The following PARD3B variants were observed in gnomAD, a reference collection of about 807,000 sequenced individuals.
PARD3B encodes par-3 family cell polarity regulator beta.
PARD3B carries 103 observed loss-of-function variants against 130.2 expected under a neutral mutation model. That is an observed-to-expected ratio of 0.79 (90% CI 0.67 to 0.93). The LOEUF is 0.93. PARD3B is among the 40% of genes least tolerant of loss of function. The pLI is 0.00. For synonymous variants in PARD3B, 583 were observed against 553.2 expected, an observed-to-expected ratio of 1.05 and a Z score of -0.76; for missense variants, 1,609 against 1,499.2, an observed-to-expected ratio of 1.07 and a Z score of -1.21.
intron 1 of PARD3B, among the ~76,000 whole-genome samples, chr2:204,671,549 T>C (rs1313819397): frequency 6.6e-6 from 1 of 152,170 alleles, no homozygotes; most frequent in Non-Finnish European, 1.5e-5. Flanking sequence ...TCTTCCCCTC[T>C]GAGAAGTCAT....
At chr2:205,607,837 CA>C (rs59461427) in intron 22 of PARD3B, among the ~76,000 whole-genome samples, 7,116 of 94,358 alleles carry the variant, frequency 0.075, 526 homozygotes, top group African/African-American at 0.17. Flanking sequence ...CCCATACACA[CA>C]CACACACACA....
chr2:205,130,051 A>G (rs2031854414), intron 10 of PARD3B, among the ~76,000 whole-genome samples: 1 of 152,188 alleles, frequency 6.6e-6, no homozygotes, highest in East Asian at 1.9e-4. Context: ...ATATAATAAC[A>G]TTACAACTAT....
At chr2:204,970,408 C>G (rs1357318033) in intron 3 of PARD3B, among the ~76,000 whole-genome samples, 1 of 152,032 alleles carries the variant, frequency 6.6e-6, no homozygotes, top group African/African-American at 2.4e-5. Context: ...AATTGAAAAC[C>G]AAGGCTATCC....
chr2:205,376,122 C>T (rs1249327511), intron 18 of PARD3B, among the ~76,000 whole-genome samples: 1 of 152,112 alleles, frequency 6.6e-6, no homozygotes. Context: ...CGTAGATTAT[C>T]CCATTTAACT....
chr2:204,878,127 GA>G (rs934812763), intron 2 of PARD3B, among the ~76,000 whole-genome samples: 16 of 152,114 alleles, frequency 1.1e-4, no homozygotes, highest in Admixed American at 2.6e-4. Flanking sequence ...GCACTGTAAA[GA>G]AAAAAGTCAT....
At position 205,156,344 on chromosome 2, in the gene PARD3B, A is replaced by G. The variant is rs558685128; in HGVS notation, c.1435-2378A>G. On this transcript the variant is annotated intron_variant, in intron 10 of 22. Transcript: ENST00000406610. ...GAGTTAATGGGTGCAGCACACCAGC[A>G]TGGCACATGTATACATATGTAACTA... 2.1e-4 allele frequency among the ~76,000 whole-genome samples: 32 copies of G among 151,882 alleles called. No individual in the cohort carries two copies. In the East Asian group the frequency reaches 6.0e-3, roughly 29 times the overall value.
intron 2 of PARD3B, among the ~76,000 whole-genome samples, chr2:204,895,615 G>A (rs2046614279): frequency 6.6e-6 from 1 of 151,852 alleles, no homozygotes; most frequent in African/African-American, 2.4e-5. Context: ...ATTGTTTTAT[G>A]CAAATAAATG....
At chr2:204,859,257 GCTGTT>G (rs1159518687) in intron 2 of PARD3B, among the ~76,000 whole-genome samples, 2 of 152,154 alleles carry the variant, frequency 1.3e-5, no homozygotes, top group Admixed American at 6.6e-5. Context: ...ACAAGTATGT[GCTGTT>G]CTGTTGTGAA....
At chr2:205,582,666 T>C (rs13390443) in intron 22 of PARD3B, among the ~76,000 whole-genome samples, 22,877 of 149,466 alleles carry the variant, frequency 0.15, 1,911 homozygotes, top group East Asian at 0.32. Flanking sequence ...AGGAAGGTTA[T>C]TGTTTTTTTT....
At chr2:204,953,419 A>G (rs973420500) in intron 2 of PARD3B, among the ~76,000 whole-genome samples, 1 of 83,270 alleles carries the variant, frequency 1.2e-5, no homozygotes, top group African/African-American at 6.7e-5. Flanking sequence ...ATACACACAC[A>G]CAGAGAGAGA....
intron 18 of PARD3B, among the ~76,000 whole-genome samples, chr2:205,310,386 C>A (rs2042338718): frequency 6.6e-6 from 1 of 152,030 alleles, no homozygotes; most frequent in African/African-American, 2.4e-5. Flanking sequence ...GTTTCAAGTA[C>A]AAGACATATT....
intron 2 of PARD3B, among the ~76,000 whole-genome samples, chr2:204,939,919 A>G (rs1688774430): frequency 6.6e-6 from 1 of 152,222 alleles, no homozygotes; most frequent in African/African-American, 2.4e-5. Context: ...AATTACCATT[A>G]TACCTGAGGT....
chr2:204,762,015 T>A (rs1279362601), intron 2 of PARD3B, among the ~76,000 whole-genome samples: 2 of 151,986 alleles, frequency 1.3e-5, no homozygotes, highest in Admixed American at 1.3e-4. Flanking sequence ...AAGGAAAATG[T>A]CTCTTCTTGC....
intron 22 of PARD3B, among the ~76,000 whole-genome samples, chr2:205,561,130 A>C (rs907094473): frequency 6.6e-6 from 1 of 152,102 alleles, no homozygotes; most frequent in Non-Finnish European, 1.5e-5. Context: ...TGTCCTCAAC[A>C]TCCTTTTCTG....
intron 16 of PARD3B, among the ~76,000 whole-genome samples, chr2:205,298,378 A>G (rs546080162): frequency 6.6e-6 from 1 of 152,076 alleles, no homozygotes; most frequent in South Asian, 2.1e-4. Flanking sequence ...TGTTTCTTCA[A>G]CTTATCTTCC....
chr2:205,515,596 A>G (rs777910470), intron 21 of PARD3B, among the ~76,000 whole-genome samples: 3 of 141,530 alleles, frequency 2.1e-5, no homozygotes, highest in Non-Finnish European at 4.5e-5. Context: ...TGTTGGCTGC[A>G]TGTATGTCTT....
intron 2 of PARD3B, among the ~76,000 whole-genome samples, chr2:204,893,652 T>A (rs903805941): frequency 1.3e-5 from 2 of 152,200 alleles, no homozygotes; most frequent in African/African-American, 4.8e-5. Context: ...AACTTGAATA[T>A]ATAATGGAAA....
chr2:205,384,036 C>A (rs2045575469), intron 18 of PARD3B, among the ~76,000 whole-genome samples: 1 of 152,040 alleles, frequency 6.6e-6, no homozygotes, highest in African/African-American at 2.4e-5. Context: ...TTTTTTATCT[C>A]CCCTTAGCAC....
At chr2:204,947,058 C>A (rs1689385108) in intron 2 of PARD3B, among the ~76,000 whole-genome samples, 8 of 152,174 alleles carry the variant, frequency 5.3e-5, no homozygotes, top group Admixed American at 5.2e-4. Flanking sequence ...AGCCTACTGA[C>A]TCAAATGTTA....
Sources: allele counts gnomAD v4.1 joint callset (sites outside exome capture counted in the v4.1 genomes callset), GRCh38; gene constraint gnomAD v4.1.1; transcripts MANE v1.5; gene names NCBI Gene and HGNC (gene_info 2026-07-23, HGNC 2026-07-21).